Variants in FGF13 observed in about 807,000 individuals in gnomAD.
The protein encoded by FGF13 is fibroblast growth factor 13.
In FGF13, 2 loss-of-function variants were observed where a neutral mutation model predicts 19.5. That is an observed-to-expected ratio of 0.10 (90% CI 0.04 to 0.32). FGF13 has a LOEUF of 0.32. Among genes scored for constraint, FGF13 ranks in the 10% least tolerant of loss-of-function variants. The pLI is 1.00. For synonymous variants in FGF13, 72 were observed against 76.9 expected, an observed-to-expected ratio of 0.94 and a Z score of 0.33; for missense variants, 113 against 192.7, an observed-to-expected ratio of 0.59 and a Z score of 2.45.
At chrX:138,653,793 G>GGCC (rs1373314670) in intron 3 of FGF13, among the ~76,000 whole-genome samples, 1 of 111,636 alleles carries the variant, frequency 9.0e-6, no homozygotes, top group Non-Finnish European at 1.9e-5. Flanking sequence ...AAGCACAATA[G>GGCC]GCCCTTTAGT....
intron 3 of FGF13, among the ~76,000 whole-genome samples, chrX:138,828,549 G>A (rs1028173259): frequency 2.1e-4 from 21 of 98,437 alleles, no homozygotes; most frequent in African/African-American, 8.1e-4. Context: ...CAGCCTGGGC[G>A]ACAGAGCGAG....
chrX:139,181,279 T>C (rs2084235681), intron 1 of FGF13, among the ~76,000 whole-genome samples: 2 of 112,541 alleles, frequency 1.8e-5, no homozygotes, highest in Admixed American at 1.9e-4. Context: ...GGGCATGTTC[T>C]TGATCTCAGC....
chrX:139,195,035 G>C (rs188115925), intron 1 of FGF13, among the ~76,000 whole-genome samples: 33 of 111,987 alleles, frequency 2.9e-4, no homozygotes, highest in African/African-American at 1.1e-3. Flanking sequence ...TTTCACCTTC[G>C]GTGACACAAC....
rs1472513570 is a variant in FGF13 at position 138,615,565 on chromosome X, T to C, written c.*17285A>G. ...AGTGGACCCACTTGAGTGTACATCA[T>C]GGCAGGAAAAAAAAATTGTTTCAGA... is the stretch of plus-strand genomic sequence containing the variant. On this transcript the variant is annotated 3_prime_UTR_variant, in exon 5 of 5. Coordinates refer to ENST00000315930, the MANE Select transcript of FGF13 (RefSeq NM_004114.5). 2 of 110,687 alleles carry C rather than the reference T, an allele frequency of 1.8e-5. No individual in the cohort carries two copies. Among genetic ancestry groups the C allele is most frequent in the Non-Finnish European group, 3.8e-5 (2 of 52,903 alleles). The allele number at this position is 110,687 out of a possible 1,213,427, so 9.1% of individuals were successfully genotyped here.
At chrX:139,190,796 A>G (rs1472452071) in intron 1 of FGF13, among the ~76,000 whole-genome samples, 1 of 111,912 alleles carries the variant, frequency 8.9e-6, no homozygotes, top group Admixed American at 9.5e-5. Flanking sequence ...AAAAAAGATA[A>G]TAATCCGAGA....
At chrX:138,878,332 T>A (rs1421056769) in intron 1 of FGF13, among the ~76,000 whole-genome samples, 1 of 79,084 alleles carries the variant, frequency 1.3e-5, no homozygotes, top group Non-Finnish European at 2.3e-5. Flanking sequence ...CCCCAGAGTG[T>A]GATGTTCCCC....
chrX:138,635,697 T>C (rs376608023), intron 3 of FGF13, 42 bp from the exon 4 acceptor site: 68 of 1,061,185 alleles, frequency 6.4e-5, no homozygotes, highest in Non-Finnish European at 7.7e-5. Flanking sequence ...TGTTTATAGC[T>C]ATGAATTTCC....
At chrX:138,757,391 A>C (rs1365021242) in intron 3 of FGF13, among the ~76,000 whole-genome samples, 1 of 110,831 alleles carries the variant, frequency 9.0e-6, no homozygotes, top group Non-Finnish European at 1.9e-5. Context: ...CTGAATAGAC[A>C]TTTAGAGGTG....
chrX:138,632,883 T>C lies in FGF13; in HGVS notation c.705A>G (p.Gly235=). The C allele has an allele frequency of 8.3e-7, 1 of 1,210,074 alleles. No individual in the cohort carries two copies. The highest frequency in any genetic ancestry group is 1.1e-6 in the Non-Finnish European group (1 of 894,612). The change falls in exon 5 of 5, where the codon GGA becomes GGG. Residue 235 remains glycine (G), a synonymous_variant. Coordinates refer to ENST00000315930, the MANE Select transcript of FGF13 (RefSeq NM_004114.5). ...ATTCATTGTGGCTCATGGATTTGCC[T>C]CCGTTCAGCACGCCAGAGACACTTC... The part of the protein sequence containing the change: ...KSRSVSGVLN[G]GKSMSHNEST
chrX:139,104,848 T>A (rs1302130296), intron 1 of FGF13, among the ~76,000 whole-genome samples: 1 of 110,854 alleles, frequency 9.0e-6, no homozygotes, highest in Non-Finnish European at 1.9e-5. Flanking sequence ...ATGCCTCACT[T>A]CCTAATAATT....
rs892565290 is a variant in FGF13, at chrX:139,062,926, A to T, written c.-113+140490T>A. Among the ~76,000 whole-genome samples the T allele has an allele frequency of 5.4e-5, 6 of 112,102 alleles. No individual in the cohort carries two copies. The South Asian group carries it at 1.9e-3, about 35-fold the overall frequency. On this transcript the variant is annotated intron_variant, in intron 1 of 2. Coordinates refer to the FGF13 transcript ENST00000421460. ...GCAGTAGCCAAATCAAAGCCACTAA[A>T]TACTTGAAAGAGGAACTATGACTGA... is the stretch of plus-strand genomic sequence containing the variant.
intron 3 of FGF13, among the ~76,000 whole-genome samples, chrX:138,700,419 G>C (rs2089935873): frequency 9.0e-6 from 1 of 111,422 alleles, no homozygotes; most frequent in Non-Finnish European, 1.9e-5. Flanking sequence ...CTCTTTGGTT[G>C]CTGTCTCTTC....
intron 3 of FGF13, among the ~76,000 whole-genome samples, chrX:138,791,355 C>T (rs574181940): frequency 2.8e-4 from 31 of 112,137 alleles, no homozygotes; most frequent in African/African-American, 3.9e-4. Flanking sequence ...GTTGAATAAA[C>T]GAACACAACA....
intron 1 of FGF13, among the ~76,000 whole-genome samples, chrX:138,985,385 G>A (rs2091991116): frequency 1.8e-5 from 2 of 112,027 alleles, no homozygotes. Flanking sequence ...CTCTATCTAT[G>A]GCTTTCCACC....
At chrX:138,655,064 C>G (rs2124138561) in intron 3 of FGF13, among the ~76,000 whole-genome samples, 1 of 111,611 alleles carries the variant, frequency 9.0e-6, no homozygotes, top group African/African-American at 3.3e-5. Flanking sequence ...TAGTGACCAC[C>G]TAAAAATGCA....
At chrX:139,174,677 G>C (rs977923934) in intron 1 of FGF13, among the ~76,000 whole-genome samples, 1 of 111,762 alleles carries the variant, frequency 8.9e-6, no homozygotes, top group African/African-American at 3.3e-5. Flanking sequence ...GCTTGTTTTT[G>C]TCAGGTTTGT....
At chrX:138,983,392 C>T (rs1319722783) in intron 1 of FGF13, among the ~76,000 whole-genome samples, 1 of 65,968 alleles carries the variant, frequency 1.5e-5, no homozygotes, top group Non-Finnish European at 3.0e-5. Context: ...TTCTTGGCAC[C>T]CTTATCAAAG....
intron 1 of FGF13, among the ~76,000 whole-genome samples, chrX:139,027,200 G>A (rs1418500492): frequency 8.9e-6 from 1 of 112,068 alleles, no homozygotes; most frequent in African/African-American, 3.2e-5. Flanking sequence ...TCTTATGTAA[G>A]CTTCCTTAGA....
intron 1 of FGF13, among the ~76,000 whole-genome samples, chrX:138,980,332 T>C (rs2091958227): frequency 9.0e-6 from 1 of 111,657 alleles, no homozygotes; most frequent in Non-Finnish European, 1.9e-5. Flanking sequence ...TTTGTATTAC[T>C]GGATTCTGCA....
Sources: allele counts gnomAD v4.1 joint callset (sites outside exome capture counted in the v4.1 genomes callset), GRCh38; gene constraint gnomAD v4.1.1; transcripts MANE v1.5; gene names NCBI Gene and HGNC (gene_info 2026-07-23, HGNC 2026-07-21).